Variants in ABCG2 observed in about 807,000 individuals in gnomAD.
ABCG2 encodes broad substrate specificity ATP-binding cassette transporter ABCG2.
A neutral mutation model predicts 73.5 loss-of-function variants in ABCG2; 80 were observed. That is an observed-to-expected ratio of 1.09 (90% CI 0.91 to 1.31). ABCG2 has a LOEUF of 1.31. Among genes scored for constraint, ABCG2 ranks in the 50% most tolerant of loss-of-function variants. The probability of loss-of-function intolerance (pLI) is 0.00; values close to 1 mark genes in which losing one functional copy is unlikely to be tolerated. For synonymous variants in ABCG2, 269 were observed against 282.4 expected (o/e 0.95, Z 0.48); for missense variants, 796 against 786.2 (o/e 1.01, Z -0.15).
upstream of ABCG2, among the ~76,000 whole-genome samples, chr4:88,163,222 G>C (rs1727383587): frequency 1.3e-5 from 2 of 152,206 alleles, no homozygotes; most frequent in African/African-American, 4.8e-5. Flanking sequence ...CAGGGCCTTT[G>C]ACTAATATGG....
intron 6 of ABCG2, among the ~76,000 whole-genome samples, chr4:88,119,943 G>A (rs765879034): frequency 1.3e-4 from 20 of 152,188 alleles, no homozygotes; most frequent in Non-Finnish European, 2.1e-4. Flanking sequence ...GGAACCAAAT[G>A]TTAATCACCA....
intron 1 of ABCG2, among the ~76,000 whole-genome samples, chr4:88,207,524 T>C (rs1729425044): frequency 6.6e-6 from 1 of 152,176 alleles, no homozygotes; most frequent in Non-Finnish European, 1.5e-5. Flanking sequence ...TTGAGCTTTT[T>C]TGATCTCCTC....
chr4:88,191,885 G>A (rs554062312), intron 1 of ABCG2, among the ~76,000 whole-genome samples: 7 of 152,210 alleles, frequency 4.6e-5, no homozygotes, highest in African/African-American at 1.7e-4. Context: ...AATGAAACAC[G>A]CAGAAAGGCA....
chr4:88,115,043 G>A lies in ABCG2; in HGVS notation c.857C>T (p.Ala286Val), dbSNP rs765936168. ...GAAGAAGTCTGCAGGGTTATTATAG[G>A]CCTCACAGTGATAACCTATGAAAGA... is the stretch of plus-strand genomic sequence containing the variant. ...YFESAGYHCE[A>V]YNNPADFFLD... The change falls in exon 8 of 16, where the codon GCC becomes GTC. Residue 286 changes from alanine (A) to valine (V), a missense_variant. By Grantham distance (64) the Ala-to-Val change is moderately conservative. Transcript: ENST00000237612. The A allele has an allele frequency of 1.2e-6, 2 of 1,610,386 alleles. No homozygotes were observed. Among genetic ancestry groups the A allele is most frequent in the South Asian group, 2.2e-5 (2 of 90,830 alleles).
chr4:88,198,408 A>G (rs1729023669), intron 1 of ABCG2, among the ~76,000 whole-genome samples: 1 of 152,086 alleles, frequency 6.6e-6, no homozygotes, highest in South Asian at 2.1e-4. Context: ...CCAGGCAGGA[A>G]AATCAGTTGA....
intron 11 of ABCG2, 92 bp downstream of exon 11, chr4:88,101,138 T>G: frequency 1.0e-6 from 1 of 1,002,466 alleles, no homozygotes; most frequent in Non-Finnish European, 1.5e-6. Context: ...ATCCTCCGGA[T>G]CCCATCCTTG....
Position 88,118,250 on chromosome 4 carries a change from G to T in ABCG2, c.700C>A (p.Gln234Lys), listed in dbSNP as rs1255042873. Residue 234 changes from glutamine (Q) to lysine (K), a missense_variant, in exon 7 of 16, where the codon CAG becomes AAG. By Grantham distance (53) the Gln-to-Lys change is moderately conservative. Transcript: ENST00000237612. ...ATGGAGAAGATGATTGTTCGTCCCT[G>T]CTTAGACATCCTAAGTTAAAAGTGA... ...VLLLLKRMSK[Q>K]GRTIIFSIHQ... 2 of 1,613,728 alleles carry T rather than the reference G, an allele frequency of 1.2e-6. No individual in the cohort carries two copies. Among genetic ancestry groups the T allele is most frequent in the Non-Finnish European group, 1.7e-6 (2 of 1,179,892 alleles).
In ABCG2 at chr4:88,149,992, G is replaced by A. The variant is rs75857388; in HGVS notation, c.-20+8394C>T. Among the ~76,000 whole-genome samples, 793 of 152,010 alleles carry A rather than the reference G, an allele frequency of 5.2e-3. 7 individuals are homozygous for A. The highest frequency in any genetic ancestry group is 0.018 in the African/African-American group (763 of 41,502). On this transcript the variant is annotated intron_variant, in intron 1 of 15. Coordinates refer to ENST00000237612, the MANE Select transcript of ABCG2 (RefSeq NM_004827.3). ...TACATATGAAAAATATCAGTCAACA[G>A]TGCTACGGAGAAAAAAAATTAAAGC...
At chr4:88,215,434 A>G (rs1294869846) in intron 1 of ABCG2, among the ~76,000 whole-genome samples, 1 of 152,224 alleles carries the variant, frequency 6.6e-6, no homozygotes, top group African/African-American at 2.4e-5. Context: ...ATTATGTTCA[A>G]TCTTCTCAGC....
intron 1 of ABCG2, among the ~76,000 whole-genome samples, chr4:88,228,058 G>T (rs1213914440): frequency 6.6e-6 from 1 of 152,182 alleles, no homozygotes; most frequent in African/African-American, 2.4e-5. Flanking sequence ...GGAAGGTTGT[G>T]AAAAATCAAG....
At chr4:88,123,400 A>G (rs1156300440) in intron 5 of ABCG2, among the ~76,000 whole-genome samples, 3 of 152,138 alleles carry the variant, frequency 2.0e-5, no homozygotes, top group Non-Finnish European at 4.4e-5. Context: ...CAATGCAAGG[A>G]AGCTAAGAAC....
At chr4:88,210,157 T>G (rs1729534545) in intron 1 of ABCG2, among the ~76,000 whole-genome samples, 1 of 151,012 alleles carries the variant, frequency 6.6e-6, no homozygotes, top group Non-Finnish European at 1.5e-5. Context: ...ATAATTAGGT[T>G]AAAGATGTCA....
chr4:88,139,452 A>G (rs936135897), intron 2 of ABCG2, among the ~76,000 whole-genome samples: 5 of 152,052 alleles, frequency 3.3e-5, no homozygotes, highest in African/African-American at 1.2e-4. Flanking sequence ...ACAGGGTTTC[A>G]CTATGTCGGC....
At chr4:88,202,376 A>ATATATATATG (rs1176057791) in intron 1 of ABCG2, among the ~76,000 whole-genome samples, 1 of 128,578 alleles carries the variant, frequency 7.8e-6, no homozygotes, top group Non-Finnish European at 1.6e-5. Context: ...ATATATATAT[A>ATATATATATG]TGTATATTTT....
intron 1 of ABCG2, among the ~76,000 whole-genome samples, chr4:88,192,183 GAAA>G (rs34478612): frequency 1.4e-5 from 2 of 142,722 alleles, no homozygotes; most frequent in Admixed American, 7.0e-5. Context: ...TCTGTGTCAA[GAAA>G]AAAAAAAAAA....
chr4:88,113,170 G>A (rs1486624877), intron 9 of ABCG2, 133 bp downstream of exon 9: 1 of 1,214,874 alleles, frequency 8.2e-7, no homozygotes, highest in East Asian at 2.4e-5. Context: ...TCTGCTGACT[G>A]GTTCTATATC....
chr4:88,117,273 T>C (rs1267809425), intron 7 of ABCG2, among the ~76,000 whole-genome samples: 2 of 151,534 alleles, frequency 1.3e-5, no homozygotes, highest in African/African-American at 2.4e-5. Flanking sequence ...TGAGTCAAGA[T>C]TGTGCCACTG....
At chr4:88,157,101 CA>C in intron 1 of ABCG2, among the ~76,000 whole-genome samples, 1 of 151,614 alleles carries the variant, frequency 6.6e-6, no homozygotes, top group Non-Finnish European at 1.5e-5. Context: ...GACTCAGTCT[CA>C]AAAAAAAGTA....
chr4:88,119,425 G>A (rs527317715), intron 6 of ABCG2, among the ~76,000 whole-genome samples: 40 of 152,348 alleles, frequency 2.6e-4, no homozygotes, highest in Middle Eastern at 3.4e-3. Context: ...GTAACAGGCA[G>A]AGGCTGGAAC....
Sources: gnomAD v4.1 joint callset for allele counts (sites outside exome capture counted in the v4.1 genomes callset) on GRCh38, gnomAD v4.1.1 for gene constraint, MANE v1.5 for transcripts, NCBI Gene and HGNC (gene_info 2026-07-23, HGNC 2026-07-21) for gene names.